The following CEP85L variants were observed in gnomAD, a reference collection of about 807,000 sequenced individuals.
The protein encoded by CEP85L is centrosomal protein of 85 kDa-like.
Under a neutral mutation model 100.3 loss-of-function variants are expected in CEP85L, and 60 were observed. The ratio of observed to expected loss-of-function variants is 0.60; its 90% confidence interval spans 0.49 to 0.74. CEP85L has a LOEUF of 0.74. CEP85L is among the 30% of genes least tolerant of loss of function. The pLI is 0.00. For synonymous variants in CEP85L, 319 were observed against 322.7 expected (o/e 0.99, Z 0.12); for missense variants, 973 against 936.2 (o/e 1.04, Z -0.51).
chr6:118,620,881 G>C (rs1773393990), intron 2 of CEP85L, among the ~76,000 whole-genome samples: 1 of 152,144 alleles, frequency 6.6e-6, no homozygotes, highest in Non-Finnish European at 1.5e-5. Context: ...TATCATGCCT[G>C]AAAGTCCCAC....
chr6:118,485,803 GC>G (rs1379820581), intron 6 of CEP85L, among the ~76,000 whole-genome samples: 1 of 152,182 alleles, frequency 6.6e-6, no homozygotes, highest in Non-Finnish European at 1.5e-5. Flanking sequence ...CATCAACCAA[GC>G]CTGCTCTTGC....
intron 5 of CEP85L, among the ~76,000 whole-genome samples, chr6:118,508,007 T>C (rs1463879387): frequency 6.6e-6 from 1 of 152,222 alleles, no homozygotes. Flanking sequence ...ACCTTATCCA[T>C]AGTTAAGATA....
upstream of CEP85L, chr6:118,652,398 T>C: frequency 1.8e-6 from 2 of 1,090,328 alleles, no homozygotes; most frequent in Non-Finnish European, 1.1e-6. Context: ...TATTTTTAAA[T>C]CTTACTTCTC....
intron 6 of CEP85L, among the ~76,000 whole-genome samples, chr6:118,491,193 CTAT>C (rs1299353844): frequency 3.9e-5 from 4 of 102,196 alleles, no homozygotes; most frequent in Non-Finnish European, 7.7e-5. Context: ...ATACCAACAT[CTAT>C]ACACACACAC....
rs370929265 is a variant in CEP85L, at chr6:118,529,435, A to G, written c.1021-5515T>C. On this transcript the variant is annotated intron_variant, in intron 3 of 12. Transcript: ENST00000368491. ...ATCCTGGCTAACACTGTGAAACCCC[A>G]TCTCTACTAAAAATACAAAAAAATT... is the stretch of plus-strand genomic sequence containing the variant. 1.3e-4 allele frequency among the ~76,000 whole-genome samples: 20 copies of G among 151,740 alleles called. 1 individual carries two copies. The East Asian group carries it at 1.6e-3, about 12-fold the overall frequency.
intron 3 of CEP85L, among the ~76,000 whole-genome samples, chr6:118,564,100 T>C (rs892128243): frequency 6.6e-6 from 1 of 151,626 alleles, no homozygotes; most frequent in Non-Finnish European, 1.5e-5. Flanking sequence ...CAAATTTATC[T>C]CAACAGTGTG....
At chr6:118,512,691 T>C (rs1195953718) in intron 4 of CEP85L, among the ~76,000 whole-genome samples, 6 of 152,154 alleles carry the variant, frequency 3.9e-5, no homozygotes, top group Non-Finnish European at 8.8e-5. Flanking sequence ...GTTTGTAAGA[T>C]GAGTCTTGTC....
At chr6:118,540,983 T>C (rs188750650) in intron 3 of CEP85L, among the ~76,000 whole-genome samples, 15 of 152,286 alleles carry the variant, frequency 9.8e-5, no homozygotes, top group African/African-American at 3.6e-4. Flanking sequence ...TGTCTAACAT[T>C]CATTATACGG....
intron 1 of CEP85L, among the ~76,000 whole-genome samples, chr6:118,648,248 T>C (rs1053753677): frequency 6.6e-6 from 1 of 152,152 alleles, no homozygotes; most frequent in African/African-American, 2.4e-5. Flanking sequence ...AGGGAAACTC[T>C]GTCTCAAAAA....
intron 9 of CEP85L, 97 bp from the exon 10 acceptor site, chr6:118,480,018 A>AT (rs1194470411): frequency 1.0e-5 from 7 of 697,602 alleles, no homozygotes; most frequent in Non-Finnish European, 1.6e-5. Flanking sequence ...TTATAAATTT[A>AT]TTTTTTAAAA....
intron 1 of CEP85L, among the ~76,000 whole-genome samples, chr6:118,693,929 G>C (rs1230195261): frequency 6.6e-6 from 1 of 152,152 alleles, no homozygotes; most frequent in Non-Finnish European, 1.5e-5. Flanking sequence ...ATGTTGCATG[G>C]AGGACTGGAA....
chr6:118,636,045 G>A (rs1016947668), intron 1 of CEP85L, among the ~76,000 whole-genome samples: 52 of 152,138 alleles, frequency 3.4e-4, no homozygotes, highest in African/African-American at 1.0e-3. Flanking sequence ...CTCAATCTCC[G>A]TCTCAACTAG....
At chr6:118,494,101 G>A (rs1774764760) in intron 5 of CEP85L, among the ~76,000 whole-genome samples, 1 of 152,208 alleles carries the variant, frequency 6.6e-6, no homozygotes, top group Non-Finnish European at 1.5e-5. Flanking sequence ...AGAAACAGAG[G>A]TTCATAACCT....
chr6:118,688,402 T>C (rs1321743512), intron 1 of CEP85L, among the ~76,000 whole-genome samples: 1 of 152,208 alleles, frequency 6.6e-6, no homozygotes, highest in African/African-American at 2.4e-5. Flanking sequence ...TCTTTTTCAC[T>C]GATGTATCTC....
At chr6:118,570,714 A>G (rs995976210) in intron 2 of CEP85L, among the ~76,000 whole-genome samples, 1 of 152,194 alleles carries the variant, frequency 6.6e-6, no homozygotes, top group Non-Finnish European at 1.5e-5. Context: ...ACTTCTAAAT[A>G]AGTGATTTTG....
chr6:118,523,054 T>C (rs1776756171), intron 4 of CEP85L, among the ~76,000 whole-genome samples: 1 of 152,188 alleles, frequency 6.6e-6, no homozygotes, highest in African/African-American at 2.4e-5. Flanking sequence ...CTAAAACACC[T>C]ACTGCGTTAT....
At chr6:118,642,457 A>C (rs2115355128) in intron 1 of CEP85L, among the ~76,000 whole-genome samples, 1 of 152,358 alleles carries the variant, frequency 6.6e-6, no homozygotes, top group East Asian at 1.9e-4. Flanking sequence ...AATCAAGAAT[A>C]AAGTAAGATC....
chr6:118,557,375 A>C (rs984597890), intron 3 of CEP85L, among the ~76,000 whole-genome samples: 5 of 152,358 alleles, frequency 3.3e-5, no homozygotes, highest in Admixed American at 1.3e-4. Flanking sequence ...TTTACCCAAA[A>C]GAATAACCCA....
rs9489429 is a variant in CEP85L at position 118,533,835 on chromosome 6, C to T, written c.1021-9915G>A. Among the ~76,000 whole-genome samples the T allele has an allele frequency of 7.9e-3, 1,198 of 152,302 alleles. 18 individuals are homozygous for T. Among genetic ancestry groups the T allele is most frequent in the African/African-American group, 0.027 (1,138 of 41,564 alleles). On this transcript the variant is annotated intron_variant, in intron 3 of 12. Coordinates refer to ENST00000368491, the MANE Select transcript of CEP85L (RefSeq NM_001042475.3). ...GCAAGCTGGGCGCAGTGGCTCACAC[C>T]TGTAATCCTAGCACTTTTGGAGGCC... is the stretch of plus-strand genomic sequence containing the variant.
Sources: gnomAD v4.1 joint callset for allele counts (sites outside exome capture counted in the v4.1 genomes callset) on GRCh38, gnomAD v4.1.1 for gene constraint, MANE v1.5 for transcripts, NCBI Gene and HGNC (gene_info 2026-07-23, HGNC 2026-07-21) for gene names.